Variants in CADPS2 observed in about 807,000 individuals in gnomAD.
CADPS2 encodes calcium dependent secretion activator 2, also known as calcium-dependent secretion activator 2.
A neutral mutation model predicts 172.5 loss-of-function variants in CADPS2; 93 were observed. The ratio of observed to expected loss-of-function variants is 0.54; its 90% CI spans 0.46 to 0.64. The LOEUF (loss-of-function observed/expected upper bound fraction) is 0.64. CADPS2 is among the 30% of genes least tolerant of loss of function. The pLI is 0.00. For synonymous variants in CADPS2, 546 were observed against 555.2 expected, an observed-to-expected ratio of 0.98 and a Z score of 0.23; for missense variants, 1,420 against 1,565.9, an observed-to-expected ratio of 0.91 and a Z score of 1.57.
intron 16 of CADPS2, among the ~76,000 whole-genome samples, chr7:122,441,265 T>C (rs1054785208): frequency 2.0e-5 from 3 of 151,866 alleles, no homozygotes; most frequent in Non-Finnish European, 4.4e-5. Context: ...GTAGGAAAAA[T>C]GATTACTACC....
intron 6 of CADPS2, among the ~76,000 whole-genome samples, chr7:122,586,807 T>A (rs2069772329): frequency 6.6e-6 from 1 of 152,036 alleles, no homozygotes; most frequent in South Asian, 2.1e-4. Context: ...AGAATCTATT[T>A]CCTTTATATT....
At chr7:122,538,993 GA>G (rs1362370185) in intron 8 of CADPS2, among the ~76,000 whole-genome samples, 1 of 151,936 alleles carries the variant, frequency 6.6e-6, no homozygotes, top group Non-Finnish European at 1.5e-5. Flanking sequence ...GATGTTTAAT[GA>G]AAAAAATTAA....
chr7:122,617,842 G>A (rs1053191688), intron 5 of CADPS2, among the ~76,000 whole-genome samples: 1 of 152,140 alleles, frequency 6.6e-6, no homozygotes. Flanking sequence ...AGGAGATCGA[G>A]ACCATCCTGG....
intron 1 of CADPS2, among the ~76,000 whole-genome samples, chr7:122,786,231 G>A (rs980733711): frequency 2.0e-5 from 3 of 152,034 alleles, no homozygotes; most frequent in African/African-American, 7.2e-5. Flanking sequence ...TAGCATCATC[G>A]GGAAAATGGA....
chr7:122,414,083 G>C lies in CADPS2; in HGVS notation c.2581-7C>G, dbSNP rs772105291. ...TTTTACTCACCTCTCTTCCCTGAGGGTTTCCAAGAATTTGGAAGCATTGCA... is the reference window on the plus strand; with the variant it reads ...TTTTACTCACCTCTCTTCCCTGAGGCTTTCCAAGAATTTGGAAGCATTGCA... On this transcript the variant is annotated splice_polypyrimidine_tract_variant and splice_region_variant and intron_variant, in intron 18 of 29. Coordinates refer to ENST00000449022, the MANE Select transcript of CADPS2 (RefSeq NM_017954.11). 2 of 1,531,158 alleles carry C rather than the reference G, an allele frequency of 1.3e-6. No individual in the cohort carries two copies. The highest frequency in any genetic ancestry group is 4.8e-5 in the East Asian group (2 of 41,720). The allele number at this position is 1,531,158 out of a possible 1,614,324, so 94.8% of individuals were successfully genotyped here. A position where few individuals can be genotyped will look rare whatever the true frequency, so the allele number is the denominator to read the frequency against.
chr7:122,810,291 A>G (rs911764543), intron 1 of CADPS2, among the ~76,000 whole-genome samples: 2 of 152,172 alleles, frequency 1.3e-5, no homozygotes, highest in Non-Finnish European at 2.9e-5. Flanking sequence ...TGTGGCTCCT[A>G]TTGACCTACT....
intron 6 of CADPS2, among the ~76,000 whole-genome samples, chr7:122,601,020 GATA>G (rs1409936941): frequency 2.6e-5 from 4 of 151,996 alleles, no homozygotes; most frequent in Non-Finnish European, 4.4e-5. Context: ...TTTAAATGTG[GATA>G]ATGATAGGTT....
At chr7:122,843,932 G>T (rs1230142506) in intron 1 of CADPS2, among the ~76,000 whole-genome samples, 3 of 152,188 alleles carry the variant, frequency 2.0e-5, no homozygotes, top group Admixed American at 1.3e-4. Flanking sequence ...CAACAAAAAG[G>T]GAAGCAAAGA....
chr7:122,813,889 TA>T (rs1403166032), intron 1 of CADPS2, among the ~76,000 whole-genome samples: 1 of 152,054 alleles, frequency 6.6e-6, no homozygotes, highest in Non-Finnish European at 1.5e-5. Context: ...ATAAGTCCCA[TA>T]AAATGTTAAC....
At chr7:122,773,552 C>T (rs1450614063) in intron 1 of CADPS2, among the ~76,000 whole-genome samples, 1 of 151,938 alleles carries the variant, frequency 6.6e-6, no homozygotes. Flanking sequence ...GGTGTCTTGG[C>T]ACAAAAGAAG....
intron 1 of CADPS2, among the ~76,000 whole-genome samples, chr7:122,884,063 A>T (rs1396742277): frequency 6.6e-6 from 1 of 152,218 alleles, no homozygotes; most frequent in Non-Finnish European, 1.5e-5. Context: ...TGCAACAAGT[A>T]TTCACAGTAT....
chr7:122,564,847 G>GCACACA (rs113078322), intron 7 of CADPS2, among the ~76,000 whole-genome samples: 8,201 of 145,428 alleles, frequency 0.056, 476 homozygotes, highest in African/African-American at 0.14. Context: ...ACACACACAT[G>GCACACA]CACACACACA....
At position 122,337,366 on chromosome 7, in the gene CADPS2, A is replaced by T. The variant is rs192875776; in HGVS notation, c.3612+8208T>A. Among the ~76,000 whole-genome samples the T allele has an allele frequency of 1.8e-3, 274 of 152,344 alleles. 2 individuals carry two copies. Among genetic ancestry groups the T allele is most frequent in the Non-Finnish European group, 1.9e-3 (129 of 68,020 alleles). ...TGTATTTCTGGGAATGTGCCAAATG[A>T]CAATTGTGTTCCACGATCACATTTC... On this transcript the variant is annotated intron_variant, in intron 28 of 29. Transcript: ENST00000449022.
chr7:122,808,865 G>A (rs1196832654), intron 1 of CADPS2, among the ~76,000 whole-genome samples: 8 of 152,054 alleles, frequency 5.3e-5, no homozygotes, highest in African/African-American at 1.9e-4. Flanking sequence ...GGAAATATAA[G>A]CTTATTTATC....
chr7:122,529,277 C>T (rs10269952), intron 8 of CADPS2, among the ~76,000 whole-genome samples: 1 of 151,984 alleles, frequency 6.6e-6, no homozygotes, highest in Non-Finnish European at 1.5e-5. Context: ...CTAAATATTT[C>T]TATTTTAATG....
intron 8 of CADPS2, among the ~76,000 whole-genome samples, chr7:122,515,146 A>G (rs2060262844): frequency 6.6e-6 from 1 of 152,186 alleles, no homozygotes; most frequent in Non-Finnish European, 1.5e-5. Flanking sequence ...TCAGCACATC[A>G]GCTAACTGAA....
At chr7:122,360,722 T>C (rs112294846) in intron 27 of CADPS2, 66 bp downstream of exon 27, 6 of 1,425,428 alleles carry the variant, frequency 4.2e-6, no homozygotes, top group South Asian at 1.3e-5. Flanking sequence ...AATAAACCCA[T>C]GATGAACTGC....
At chr7:122,373,649 G>A (rs922995066) in intron 25 of CADPS2, among the ~76,000 whole-genome samples, 2 of 152,124 alleles carry the variant, frequency 1.3e-5, no homozygotes, top group African/African-American at 4.8e-5. Flanking sequence ...CCAATGTAAG[G>A]CTACAGGGAT....
chr7:122,484,163 A>G (rs1407623613), intron 11 of CADPS2, among the ~76,000 whole-genome samples: 3 of 152,174 alleles, frequency 2.0e-5, no homozygotes, highest in Non-Finnish European at 2.9e-5. Context: ...AAGTGAATAA[A>G]CTTATTTTAA....
Sources: allele counts gnomAD v4.1 joint callset (sites outside exome capture counted in the v4.1 genomes callset), GRCh38; gene constraint gnomAD v4.1.1; transcripts MANE v1.5; gene names NCBI Gene and HGNC (gene_info 2026-07-23, HGNC 2026-07-21).